The following UGT1A7 variants were observed in gnomAD, a reference collection of about 807,000 sequenced individuals.
The protein encoded by UGT1A7 is UDP glucuronosyltransferase family 1 member A7.
A neutral mutation model predicts 45.6 loss-of-function variants in UGT1A7; 33 were observed. The ratio of observed to expected loss-of-function variants is 0.72; its 90% CI spans 0.55 to 0.97. The LOEUF (loss-of-function observed/expected upper bound fraction) is 0.97. Ranked by LOEUF, UGT1A7 falls within the 50% of genes least tolerant of loss-of-function variation. The pLI, the probability that UGT1A7 is intolerant of heterozygous loss-of-function variation, is 0.00. For synonymous variants in UGT1A7, 274 were observed against 250.6 expected, an observed-to-expected ratio of 1.09 and a Z score of -0.88; for missense variants, 684 against 666.2, an observed-to-expected ratio of 1.03 and a Z score of -0.29.
chr2:233,754,887 T>G (rs1212362818), intron 1 of UGT1A7: 2 of 1,351,202 alleles, frequency 1.5e-6, no homozygotes, highest in Non-Finnish European at 2.0e-6. Flanking sequence ...TCCCAGGGAG[T>G]TCCTCTGACC....
chr2:233,725,005 C>G (rs1205607932), intron 1 of UGT1A7, among the ~76,000 whole-genome samples: 2 of 147,300 alleles, frequency 1.4e-5, no homozygotes, highest in Non-Finnish European at 3.0e-5. Flanking sequence ...GAGACCGGCC[C>G]GGCCAAACAG....
At chr2:233,715,970 T>C (rs1015053645) in intron 1 of UGT1A7, among the ~76,000 whole-genome samples, 4 of 152,216 alleles carry the variant, frequency 2.6e-5, no homozygotes, top group East Asian at 1.9e-4. Flanking sequence ...GATTGACTGA[T>C]TGATTGATTT....
At position 233,767,864 on chromosome 2, in the gene UGT1A7, A is replaced by G. The variant is rs748591879; in HGVS notation, c.1003A>G (p.Thr335Ala). 51 of 1,614,144 alleles carry G rather than the reference A, an allele frequency of 3.2e-5. No individual in the cohort carries two copies. Among genetic ancestry groups the G allele is most frequent in the Non-Finnish European group, 3.9e-5 (46 of 1,180,042 alleles). Residue 335 changes from threonine (T) to alanine (A), a missense_variant, in exon 3 of 5, where the codon ACT (threonine) becomes GCT (alanine). Transcript: ENST00000373426. ...CCCCTCCCAGGTCCTGTGGCGGTAC[A>G]CTGGAACCCGACCATCGAATCTTGC... ...KIPQTVLWRYTGTRPSNLANN... is the reference protein window; with the variant it reads ...KIPQTVLWRYAGTRPSNLANN...
intron 1 of UGT1A7, among the ~76,000 whole-genome samples, chr2:233,728,491 C>T (rs2077722476): frequency 6.6e-6 from 1 of 152,140 alleles, no homozygotes; most frequent in South Asian, 2.1e-4. Flanking sequence ...ACATCTTGAG[C>T]TCAGCCTCCC....
chr2:233,716,165 T>C (rs990083164), intron 1 of UGT1A7, among the ~76,000 whole-genome samples: 2 of 152,214 alleles, frequency 1.3e-5, no homozygotes, highest in Non-Finnish European at 2.9e-5. Flanking sequence ...GGAGATGCAG[T>C]GCAGCATCTT....
chr2:233,712,319 C>T (rs1479804817), intron 1 of UGT1A7, among the ~76,000 whole-genome samples: 1 of 149,708 alleles, frequency 6.7e-6, no homozygotes, highest in Non-Finnish European at 1.5e-5. Context: ...CTCAACAAAG[C>T]CTTTCCAAGA....
At chr2:233,747,626 C>T (rs546895525) in intron 1 of UGT1A7, 3 of 1,577,388 alleles carry the variant, frequency 1.9e-6, no homozygotes, top group Admixed American at 1.7e-5. Flanking sequence ...AGGCCCTGAT[C>T]AGGCACCTGA....
At chr2:233,736,685 C>G (rs1295548714) in intron 1 of UGT1A7, among the ~76,000 whole-genome samples, 6 of 152,124 alleles carry the variant, frequency 3.9e-5, no homozygotes, top group African/African-American at 1.4e-4. Flanking sequence ...TGTTGGTGAC[C>G]TACAGATGGG....
At chr2:233,728,962 C>G (rs1481350452) in intron 1 of UGT1A7, 1 of 1,451,462 alleles carries the variant, frequency 6.9e-7, no homozygotes. Context: ...CAGTGAAAAA[C>G]AGTGATAGAT....
chr2:233,764,151 G>A (rs1391990112), intron 1 of UGT1A7, among the ~76,000 whole-genome samples: 1 of 152,184 alleles, frequency 6.6e-6, no homozygotes. Flanking sequence ...CATTTTGGCT[G>A]GTGAAGTCTC....
At chr2:233,762,352 C>T (rs1368513264) in intron 1 of UGT1A7, among the ~76,000 whole-genome samples, 3 of 152,200 alleles carry the variant, frequency 2.0e-5, no homozygotes, top group South Asian at 2.1e-4. Flanking sequence ...GTTCTTTGTA[C>T]TCCAGCTATT....
At chr2:233,688,797 A>G (rs2074913951) in intron 1 of UGT1A7, among the ~76,000 whole-genome samples, 1 of 152,202 alleles carries the variant, frequency 6.6e-6, no homozygotes, top group Non-Finnish European at 1.5e-5. Flanking sequence ...GAAGGCATTG[A>G]TTAGCTACAA....
chr2:233,713,920 T>C (rs1335071739), intron 1 of UGT1A7: 4 of 1,612,180 alleles, frequency 2.5e-6, no homozygotes. Context: ...AAAAATGTAT[T>C]TACTTACAAG....
intron 1 of UGT1A7, among the ~76,000 whole-genome samples, chr2:233,726,123 A>C (rs2125717570): frequency 6.6e-6 from 1 of 152,290 alleles, no homozygotes; most frequent in South Asian, 2.1e-4. Flanking sequence ...CCATGTTCAC[A>C]CCACCTCACT....
Position 233,772,472 on chromosome 2 carries a change from C to A in UGT1A7, c.1506C>A (p.Ile502=). ...CCGTCGTGCTGACAGTGGCCTTCAT[C>A]ACCTTTAAATGTTGTGCTTATGGCT... The part of the protein sequence containing the change: ...LLAVVLTVAF[I]TFKCCAYGYR... Residue 502 remains isoleucine (I), a synonymous_variant, in exon 5 of 5, where the codon ATC becomes ATA. Transcript: ENST00000373426. The A allele has an allele frequency of 6.2e-7, 1 of 1,614,132 alleles. No homozygotes were observed. Among genetic ancestry groups the A allele is most frequent in the Non-Finnish European group, 8.5e-7 (1 of 1,180,020 alleles).
intron 1 of UGT1A7, among the ~76,000 whole-genome samples, chr2:233,717,462 T>C (rs1357156698): frequency 1.3e-5 from 2 of 152,152 alleles, no homozygotes; most frequent in African/African-American, 4.8e-5. Flanking sequence ...GCCTGTCCCA[T>C]GGGTTGTGTC....
intron 1 of UGT1A7, among the ~76,000 whole-genome samples, chr2:233,687,334 T>C (rs1410499598): frequency 6.6e-6 from 1 of 152,168 alleles, no homozygotes; most frequent in East Asian, 1.9e-4. Context: ...TTCCCTTGAA[T>C]GATTTAAACT....
At position 233,682,304 on chromosome 2, in the gene UGT1A7, A is replaced by G; in HGVS notation, c.367A>G (p.Asn123Asp). Residue 123 changes from asparagine to aspartate, a missense_variant, in exon 1 of 5, where the codon AAT becomes GAT. Asn to Asp is a conservative substitution (Grantham distance 23). Transcript: ENST00000373426. ...TGGTATTTTTGACTTATTTTTTTCA[A>G]ATTGCAGGAGTTTGTTTAATGACCG... ...SNGIFDLFFS[N>D]CRSLFNDRKL... 6.2e-7 allele frequency: 1 copy of G among 1,614,070 alleles called. No homozygotes were observed. The highest frequency in any genetic ancestry group is 1.1e-5 in the South Asian group (1 of 91,078).
chr2:233,712,900 G>A, intron 1 of UGT1A7: 1 of 1,608,716 alleles, frequency 6.2e-7, no homozygotes, highest in Non-Finnish European at 8.5e-7. Context: ...GATTTGCTAG[G>A]TGTCTCAGTG....
Sources: gnomAD v4.1 joint callset for allele counts (sites outside exome capture counted in the v4.1 genomes callset) on GRCh38, gnomAD v4.1.1 for gene constraint, MANE v1.5 for transcripts, NCBI Gene and HGNC (gene_info 2026-07-23, HGNC 2026-07-21) for gene names.